Variants in TRMT2B observed in about 807,000 individuals in gnomAD.
TRMT2B encodes tRNA methyltransferase 2B, also known as tRNA (uracil-5-)-methyltransferase homolog B.
TRMT2B carries 34 observed loss-of-function variants against 39.7 expected under a neutral mutation model. The ratio of observed to expected loss-of-function variants is 0.86; its 90% confidence interval spans 0.65 to 1.14. TRMT2B has a LOEUF of 1.14. TRMT2B is among the 50% of genes most tolerant of loss of function. The pLI is 0.00. For missense variants in TRMT2B, 318 were observed against 377.2 expected, an observed-to-expected ratio of 0.84 and a Z score of 1.30; for synonymous variants, 132 against 137.3, an observed-to-expected ratio of 0.96 and a Z score of 0.27.
intron 13 of TRMT2B, among the ~76,000 whole-genome samples, chrX:101,015,856 C>T (rs1475380751): frequency 1.8e-5 from 2 of 110,988 alleles, no homozygotes; most frequent in African/African-American, 3.3e-5. Context: ...GATCATCTGA[C>T]GTCAGGAGTT....
At chrX:100,990,554 T>C in the TRMT2B span, 2 of 1,145,812 alleles carry the variant, frequency 1.7e-6, no homozygotes, top group Non-Finnish European at 2.3e-6. Flanking sequence ...TGTATATCTA[T>C]ATTCTAGCCA....
At chrX:100,978,908 AT>A in the TRMT2B span, among the ~76,000 whole-genome samples, 42 of 108,844 alleles carry the variant, frequency 3.9e-4, no homozygotes, top group African/African-American at 1.1e-3. Flanking sequence ...CTTATAACCC[AT>A]TTTTTTTTAA....
In TRMT2B at chrX:101,046,230, C is replaced by T. The variant is rs1195330981; in HGVS notation, c.-23-3918G>A. On this transcript the variant is annotated intron_variant, in intron 2 of 13. Transcript: ENST00000372936. ...TTGAGTAAAGGCAAGAGCAAAAGGC[C>T]AATGACTGTATCAGGGAGAAAGGTA... Among the ~76,000 whole-genome samples, 4 of 110,443 alleles carry T rather than the reference C, an allele frequency of 3.6e-5. No individual in the cohort carries two copies. The East Asian group carries it at 8.5e-4, about 23-fold the overall frequency.
chrX:101,026,850 T>C (rs1457510843), intron 7 of TRMT2B, among the ~76,000 whole-genome samples: 1 of 111,856 alleles, frequency 8.9e-6, no homozygotes, highest in African/African-American at 3.2e-5. Flanking sequence ...CATCATTGCC[T>C]TCGCTCAGTA....
chrX:100,991,213 A>G, the TRMT2B span, among the ~76,000 whole-genome samples: 1 of 111,642 alleles, frequency 9.0e-6, no homozygotes. Context: ...TCCAATGAGC[A>G]TGTCCTTGAG....
At chrX:100,993,643 T>A in the TRMT2B span, among the ~76,000 whole-genome samples, 1 of 111,903 alleles carries the variant, frequency 8.9e-6, no homozygotes, top group Non-Finnish European at 1.9e-5. Flanking sequence ...TTGGCATACT[T>A]CCTTTTGTGC....
intron 8 of TRMT2B, 86 bp downstream of exon 8, chrX:101,023,384 T>C (rs913791791): frequency 1.5e-5 from 15 of 975,972 alleles, no homozygotes; most frequent in South Asian, 4.3e-5. Flanking sequence ...GTTTCTGCTA[T>C]ATGCCCTGAA....
chrX:101,030,490 ACC>A (rs2087389448), intron 7 of TRMT2B, among the ~76,000 whole-genome samples: 1 of 79,054 alleles, frequency 1.3e-5, no homozygotes, highest in Non-Finnish European at 2.3e-5. Flanking sequence ...TCGCTCTTTT[ACC>A]CAGGCTGGAG....
At chrX:101,049,976 G>A (rs891290667) in intron 2 of TRMT2B, among the ~76,000 whole-genome samples, 19 of 111,687 alleles carry the variant, frequency 1.7e-4, no homozygotes, top group Non-Finnish European at 3.6e-4. Flanking sequence ...GAGGGGTCCT[G>A]TCCCTCCAGT....
the TRMT2B span, among the ~76,000 whole-genome samples, chrX:100,978,334 T>A: frequency 1.8e-5 from 2 of 111,333 alleles, no homozygotes; most frequent in South Asian, 7.5e-4. Context: ...TGTATTGGGG[T>A]CTATCTCTCT....
At chrX:100,978,337 ATCTC>A in the TRMT2B span, among the ~76,000 whole-genome samples, 4 of 111,064 alleles carry the variant, frequency 3.6e-5, no homozygotes, top group Middle Eastern at 4.6e-3. Context: ...ATTGGGGTCT[ATCTC>A]TCTCTCTTTA....
intron 7 of TRMT2B, among the ~76,000 whole-genome samples, chrX:101,033,189 G>C (rs2087607883): frequency 9.3e-6 from 1 of 107,391 alleles, no homozygotes; most frequent in Non-Finnish European, 1.9e-5. Flanking sequence ...CCAGGAGGTG[G>C]AGATTGCAGT....
At chrX:100,997,680 T>C in the TRMT2B span, among the ~76,000 whole-genome samples, 1 of 111,881 alleles carries the variant, frequency 8.9e-6, no homozygotes, top group East Asian at 2.8e-4. Context: ...TCATCACAGT[T>C]ATTTTCAGAA....
chrX:100,979,274 A>T, the TRMT2B span, among the ~76,000 whole-genome samples: 270 of 111,901 alleles, frequency 2.4e-3, 1 homozygote, highest in African/African-American at 8.6e-3. Flanking sequence ...TTTCTTTCAG[A>T]TTGAAGTACT....
At chrX:101,001,824 CAAAAAAAAAA>C in the TRMT2B span, among the ~76,000 whole-genome samples, 1 of 59,981 alleles carries the variant, frequency 1.7e-5, no homozygotes, top group East Asian at 9.0e-4. Context: ...AAGTGATATT[CAAAAAAAAAA>C]AAAAAAAAAA....
In TRMT2B at chrX:101,051,429, T is replaced by G; in HGVS notation, c.-202A>C. 1.3e-6 allele frequency: 1 copy of G among 754,396 alleles called. No individual in the cohort carries two copies. Among genetic ancestry groups the G allele is most frequent in the Non-Finnish European group, 1.6e-6 (1 of 639,437 alleles). 62.2% of individuals were successfully genotyped at this position (754,396 alleles called of 1,213,427 possible). On this transcript the variant is annotated 5_prime_UTR_variant, in exon 2 of 14. Coordinates refer to ENST00000372936, the MANE Select transcript of TRMT2B (RefSeq NM_024917.6). ...TGTCCCGAATGCAGCCCACAGGCAG[T>G]CAGGTCCTTGTCTCCCCAACAAGAC...
chrX:101,046,060 C>T (rs1360629308), intron 2 of TRMT2B, among the ~76,000 whole-genome samples: 2 of 103,218 alleles, frequency 1.9e-5, no homozygotes, highest in Admixed American at 1.1e-4. Flanking sequence ...GCATGAGAAT[C>T]GCTTCAACCC....
chrX:100,987,547 C>T, the TRMT2B span: 154,329 of 1,208,076 alleles, frequency 0.13, 7,310 homozygotes, highest in African/African-American at 0.22. Flanking sequence ...GAAAGATGCT[C>T]ATCACACAGG....
In TRMT2B at chrX:101,037,077, G is replaced by A; in HGVS notation, c.439-4C>T. On this transcript the variant is annotated splice_polypyrimidine_tract_variant and splice_region_variant and intron_variant, in intron 5 of 13. Coordinates refer to ENST00000372936, the MANE Select transcript of TRMT2B (RefSeq NM_024917.6). ...TTCGGTAACCATTGATGACAGGCTG[G>A]AGAGGGCAGAAGGACAGGAGGGGGA... is the stretch of plus-strand genomic sequence containing the variant. 2 of 1,190,672 alleles carry A rather than the reference G, an allele frequency of 1.7e-6. No homozygotes were observed. Among genetic ancestry groups the A allele is most frequent in the Non-Finnish European group, 2.3e-6 (2 of 876,337 alleles).
Sources: allele counts gnomAD v4.1 joint callset (sites outside exome capture counted in the v4.1 genomes callset), GRCh38; gene constraint gnomAD v4.1.1; transcripts MANE v1.5; gene names NCBI Gene and HGNC (gene_info 2026-07-23, HGNC 2026-07-21).